Variants in CRISP1 observed in about 807,000 individuals in gnomAD.
The protein encoded by CRISP1 is cysteine rich secretory protein 1.
Under a neutral mutation model 33.1 loss-of-function variants are expected in CRISP1, and 44 were observed. That is an observed-to-expected ratio of 1.33 (90% CI 1.05 to 1.71). The LOEUF is 1.71. Among genes scored for constraint, CRISP1 ranks in the 40% most tolerant of loss-of-function variants. The pLI, the probability that CRISP1 is intolerant of heterozygous loss-of-function variation, is 0.00. For synonymous variants in CRISP1, 103 were observed against 98.7 expected (o/e 1.04, Z -0.26); for missense variants, 390 against 301.2 (o/e 1.29, Z -2.18).
upstream of CRISP1, among the ~76,000 whole-genome samples, chr6:49,869,173 T>C (rs1050055672): frequency 6.6e-6 from 1 of 152,174 alleles, no homozygotes; most frequent in Non-Finnish European, 1.5e-5. Context: ...CCTCATTGAT[T>C]GCAATCAGTT....
intron 2 of CRISP1, among the ~76,000 whole-genome samples, chr6:49,855,600 C>T (rs1038678835): frequency 6.6e-6 from 1 of 152,172 alleles, no homozygotes; most frequent in Non-Finnish European, 1.5e-5. Context: ...CTCTAATTAA[C>T]TCAGAGACGA....
upstream of CRISP1, among the ~76,000 whole-genome samples, chr6:49,870,761 T>C (rs780792524): frequency 6.6e-6 from 1 of 152,160 alleles, no homozygotes; most frequent in African/African-American, 2.4e-5. Context: ...AATCCCCAAA[T>C]TTTGCTTAAG....
chr6:49,840,820 A>G (rs1465087083), intron 6 of CRISP1, 78 bp downstream of exon 6: 10 of 1,108,838 alleles, frequency 9.0e-6, no homozygotes, highest in African/African-American at 1.6e-5. Flanking sequence ...ACATTTATGC[A>G]CACAAAAAAA....
upstream of CRISP1, among the ~76,000 whole-genome samples, chr6:49,868,179 G>T (rs187060968): frequency 6.6e-6 from 1 of 152,096 alleles, no homozygotes; most frequent in Non-Finnish European, 1.5e-5. Context: ...AAAAGAATTT[G>T]GGAAGTGTTG....
At chr6:49,876,355 C>A (rs1296253563) in intron 1 of CRISP1, among the ~76,000 whole-genome samples, 1 of 151,956 alleles carries the variant, frequency 6.6e-6, no homozygotes, top group Non-Finnish European at 1.5e-5. Flanking sequence ...TCACTCCAGT[C>A]AGAATGGCTA....
intron 5 of CRISP1, among the ~76,000 whole-genome samples, chr6:49,842,476 A>G (rs968169763): frequency 6.6e-6 from 1 of 152,188 alleles, no homozygotes; most frequent in African/African-American, 2.4e-5. Flanking sequence ...TCAGACACAA[A>G]TGATTGTAGA....
intron 1 of CRISP1, among the ~76,000 whole-genome samples, chr6:49,863,708 G>A (rs935950025): frequency 6.6e-6 from 1 of 152,186 alleles, no homozygotes; most frequent in African/African-American, 2.4e-5. Flanking sequence ...CTGCCCTATG[G>A]CATGCCCTGG....
intron 5 of CRISP1, among the ~76,000 whole-genome samples, chr6:49,842,022 T>A (rs1771007061): frequency 6.6e-6 from 1 of 152,178 alleles, no homozygotes; most frequent in African/African-American, 2.4e-5. Context: ...TTTCCTCACA[T>A]TTCTGTTCAT....
chr6:49,865,924 T>C (rs961204971), intron 1 of CRISP1, among the ~76,000 whole-genome samples: 2 of 152,202 alleles, frequency 1.3e-5, no homozygotes, highest in African/African-American at 4.8e-5. Flanking sequence ...TTGGTTCTGA[T>C]AGAGGCTGCC....
intron 1 of CRISP1, among the ~76,000 whole-genome samples, chr6:49,872,052 C>T (rs1473805132): frequency 2.0e-5 from 3 of 152,132 alleles, no homozygotes; most frequent in African/African-American, 4.8e-5. Context: ...CACATCCTCT[C>T]CAGCACCTGT....
chr6:49,836,184 T>G (rs907776354), intron 7 of CRISP1, among the ~76,000 whole-genome samples: 7 of 152,186 alleles, frequency 4.6e-5, no homozygotes, highest in Non-Finnish European at 8.8e-5. Flanking sequence ...CCCTCTCTCT[T>G]TTAAGATTTT....
intron 3 of CRISP1, among the ~76,000 whole-genome samples, chr6:49,848,787 T>C (rs1480246754): frequency 6.6e-6 from 1 of 152,110 alleles, no homozygotes; most frequent in Non-Finnish European, 1.5e-5. Flanking sequence ...GAAGCAAGTA[T>C]AGAGTCATAT....
chr6:49,857,766 T>A lies in CRISP1; in HGVS notation c.-2-364A>T, dbSNP rs147080361. Among the ~76,000 whole-genome samples, 32 of 152,192 alleles carry A rather than the reference T, an allele frequency of 2.1e-4. No homozygotes were observed. The East Asian group carries it at 6.2e-3, about 29-fold the overall frequency. On this transcript the variant is annotated intron_variant, in intron 1 of 7. Transcript: ENST00000335847. ...GGACCCAATGTAATCACAAGAGTAT[T>A]TAATGTTGAAGAGGAAGTCAAAAGA...
chr6:49,857,492 T>C, intron 1 of CRISP1, 90 bp from the exon 2 acceptor site: 3 of 1,257,112 alleles, frequency 2.4e-6, no homozygotes, highest in Admixed American at 2.0e-5. Flanking sequence ...TACATGTGTT[T>C]GCATTTTTTT....
upstream of CRISP1, among the ~76,000 whole-genome samples, chr6:49,870,445 G>A (rs1333658751): frequency 1.3e-5 from 2 of 152,170 alleles, no homozygotes; most frequent in African/African-American, 4.8e-5. Flanking sequence ...AGGTTGGAAA[G>A]TGAGGGAGCT....
chr6:49,857,095 GC>G (rs1352258029), intron 2 of CRISP1, among the ~76,000 whole-genome samples: 6 of 152,054 alleles, frequency 3.9e-5, no homozygotes, highest in Non-Finnish European at 1.5e-5. Context: ...ATAATTTCAG[GC>G]CCTGCCATGT....
chr6:49,867,920 T>A (rs186445149), upstream of CRISP1, among the ~76,000 whole-genome samples: 6 of 152,288 alleles, frequency 3.9e-5, no homozygotes. Flanking sequence ...AGAATGCTAT[T>A]ACTTCACCAA....
chr6:49,862,816 CAA>C (rs3839535), intron 1 of CRISP1, among the ~76,000 whole-genome samples: 7 of 137,136 alleles, frequency 5.1e-5, no homozygotes, highest in African/African-American at 1.1e-4. Flanking sequence ...AAAGAAGCTA[CAA>C]AAAAAAAAAC....
chr6:49,835,371 G>A lies in CRISP1; in HGVS notation c.695C>T (p.Ser232Leu). 1 of 1,613,686 alleles carries A rather than the reference G, an allele frequency of 6.2e-7. No homozygotes were observed. Among genetic ancestry groups the A allele is most frequent in the Non-Finnish European group, 8.5e-7 (1 of 1,179,646 alleles). ...GGCTTTACAGAATAGGATAGTTGTT[G>A]AGTGGTTGCATCCCAGATAATGGAC... is the stretch of plus-strand genomic sequence containing the variant. ...IQVHYLGCNH[S>L]TTILFCKATC... The change falls in exon 8 of 8, where the codon TCA becomes TTA. Residue 232 changes from serine to leucine, a missense_variant. Transcript: ENST00000335847.
Sources: allele counts gnomAD v4.1 joint callset (sites outside exome capture counted in the v4.1 genomes callset), GRCh38; gene constraint gnomAD v4.1.1; transcripts MANE v1.5; gene names NCBI Gene and HGNC (gene_info 2026-07-23, HGNC 2026-07-21).